Variants in GPR176 observed in about 807,000 individuals in gnomAD.
The protein encoded by GPR176 is G protein-coupled receptor 176.
In GPR176, 26 loss-of-function variants were observed where a neutral mutation model predicts 35.4. The observed-to-expected ratio is 0.74, with a 90% CI of 0.54 to 1.02. GPR176 has a LOEUF of 1.02. GPR176 is among the 50% of genes least tolerant of loss of function. The pLI is 0.00. For synonymous variants in GPR176, 278 were observed against 271.3 expected (o/e 1.02, Z -0.24); for missense variants, 597 against 665.3 (o/e 0.90, Z 1.13).
intron 1 of GPR176, among the ~76,000 whole-genome samples, chr15:39,821,179 C>T (rs1282799378): frequency 6.6e-6 from 1 of 152,116 alleles, no homozygotes; most frequent in Non-Finnish European, 1.5e-5. Flanking sequence ...AATTTTCCTG[C>T]TGGTTCAAAA....
At chr15:39,874,081 T>G (rs1282735470) in intron 1 of GPR176, among the ~76,000 whole-genome samples, 1 of 152,234 alleles carries the variant, frequency 6.6e-6, no homozygotes, top group East Asian at 1.9e-4. Context: ...AAGTCTCAAG[T>G]GACTTACGTA....
At chr15:39,892,553 A>G (rs1345009300) in intron 1 of GPR176, among the ~76,000 whole-genome samples, 1 of 152,234 alleles carries the variant, frequency 6.6e-6, no homozygotes, top group Admixed American at 6.5e-5. Context: ...TTTAGAAACA[A>G]TCTTTGCAGA....
intron 1 of GPR176, among the ~76,000 whole-genome samples, chr15:39,894,890 T>A (rs1595514263): frequency 1.3e-5 from 2 of 151,376 alleles, no homozygotes; most frequent in African/African-American, 2.4e-5. Flanking sequence ...GGCTGGGAGG[T>A]GGAGGTTGTA....
chr15:39,810,580 G>A (rs1031556279), intron 1 of GPR176, among the ~76,000 whole-genome samples: 2 of 152,204 alleles, frequency 1.3e-5, no homozygotes, highest in African/African-American at 4.8e-5. Context: ...TGGGAAAACA[G>A]ACACATTACC....
intron 1 of GPR176, among the ~76,000 whole-genome samples, chr15:39,862,921 T>C (rs551637366): frequency 1.2e-3 from 178 of 152,306 alleles, no homozygotes; most frequent in Non-Finnish European, 2.2e-3. Flanking sequence ...ACCATTATCT[T>C]GGAGATGACA....
At chr15:39,810,012 G>A (rs952426048) in intron 1 of GPR176, among the ~76,000 whole-genome samples, 3 of 152,082 alleles carry the variant, frequency 2.0e-5, no homozygotes, top group African/African-American at 7.2e-5. Flanking sequence ...CAGCGTGGTT[G>A]CGGGCGCCTA....
chr15:39,913,076 G>C (rs2033622003), intron 1 of GPR176, among the ~76,000 whole-genome samples: 1 of 151,984 alleles, frequency 6.6e-6, no homozygotes. Flanking sequence ...CAAACGAATG[G>C]ATAAACAAAA....
At chr15:39,852,209 G>T (rs2030922287) in intron 1 of GPR176, among the ~76,000 whole-genome samples, 1 of 152,072 alleles carries the variant, frequency 6.6e-6, no homozygotes, top group Non-Finnish European at 1.5e-5. Context: ...GTTGTTTGAG[G>T]GGTTTCCAAA....
intron 1 of GPR176, among the ~76,000 whole-genome samples, chr15:39,915,454 A>G (rs2033701486): frequency 6.6e-6 from 1 of 152,226 alleles, no homozygotes; most frequent in African/African-American, 2.4e-5. Flanking sequence ...TTAGGGCTTC[A>G]ACATATGAAT....
chr15:39,866,719 C>A (rs1252845607), intron 1 of GPR176, among the ~76,000 whole-genome samples: 12 of 152,128 alleles, frequency 7.9e-5, no homozygotes, highest in Admixed American at 7.9e-4. Flanking sequence ...AAGCATCACA[C>A]AAAACACCTG....
intron 1 of GPR176, among the ~76,000 whole-genome samples, chr15:39,872,070 A>T (rs2032062763): frequency 6.6e-6 from 1 of 152,220 alleles, no homozygotes; most frequent in Non-Finnish European, 1.5e-5. Flanking sequence ...CTCTATAGAG[A>T]ATACAAAGAT....
chr15:39,876,476 A>T (rs1566959551), intron 1 of GPR176, among the ~76,000 whole-genome samples: 1 of 152,008 alleles, frequency 6.6e-6, no homozygotes, highest in Non-Finnish European at 1.5e-5. Context: ...ATGAGCTGCA[A>T]TTCTCAAAGT....
chr15:39,860,132 A>T (rs275751), intron 1 of GPR176, among the ~76,000 whole-genome samples: 1 of 152,230 alleles, frequency 6.6e-6, no homozygotes, highest in Non-Finnish European at 1.5e-5. Context: ...TAATAAAAAA[A>T]GTCTATCCAT....
rs536562043 is a variant in GPR176, at chr15:39,900,558, A to G, written c.172+19297T>C. ...CTGCCCACGTACTCCCGTTGTCCAT[A>G]TTCTAACAAGAGATTTGCATGCTAA... On this transcript the variant is annotated intron_variant, in intron 1 of 2. Transcript: ENST00000561100. Among the ~76,000 whole-genome samples the G allele has an allele frequency of 6.6e-5, 10 of 152,348 alleles. No homozygotes were observed. The South Asian group carries it at 1.4e-3, about 22-fold the overall frequency.
In GPR176 at chr15:39,799,119, A is replaced by G. The variant is rs892031353; in HGVS notation, c.*2013T>C. 13 of 151,044 alleles carry G rather than the reference A, an allele frequency of 8.6e-5. No homozygotes were observed. Among genetic ancestry groups the G allele is most frequent in the African/African-American group, 3.0e-4 (12 of 40,678 alleles). The allele number at this position is 151,044 out of a possible 1,614,324, so 9.4% of individuals were successfully genotyped here. On this transcript the variant is annotated 3_prime_UTR_variant, in exon 3 of 3. Coordinates refer to ENST00000561100, the MANE Select transcript of GPR176 (RefSeq NM_007223.3). ...AGTCAGCCATCTGCTTCAAACATAT[A>G]TAAGAAACATACCCAACCAGATTCT... is the stretch of plus-strand genomic sequence containing the variant.
At chr15:39,823,572 C>T (rs1449355849) in intron 1 of GPR176, among the ~76,000 whole-genome samples, 1 of 152,192 alleles carries the variant, frequency 6.6e-6, no homozygotes, top group East Asian at 1.9e-4. Flanking sequence ...ACTGCTGCAG[C>T]TCCTCGCTGG....
At chr15:39,875,211 T>C (rs1354052443) in intron 1 of GPR176, among the ~76,000 whole-genome samples, 1 of 152,160 alleles carries the variant, frequency 6.6e-6, no homozygotes, top group Non-Finnish European at 1.5e-5. Flanking sequence ...TTTCTACCTG[T>C]CAAAATTAAT....
rs150023865 is a variant in GPR176 at position 39,916,934 on chromosome 15, T to C, written c.172+2921A>G. On this transcript the variant is annotated intron_variant, in intron 1 of 2. Transcript: ENST00000561100. ...TCAACAGACATTATCAGAATTCTAA[T>C]GTACACAGATGTGTTTGAATGGGAC... 6.0e-4 allele frequency among the ~76,000 whole-genome samples: 92 copies of C among 152,306 alleles called. No homozygotes were observed. The East Asian group carries it at 0.014, about 24-fold the overall frequency.
At chr15:39,888,661 A>G (rs1442893361) in intron 1 of GPR176, among the ~76,000 whole-genome samples, 2 of 152,198 alleles carry the variant, frequency 1.3e-5, no homozygotes, top group African/African-American at 4.8e-5. Flanking sequence ...AGGTAAAGAG[A>G]ACATTTTTTT....
Sources: allele counts gnomAD v4.1 joint callset (sites outside exome capture counted in the v4.1 genomes callset), GRCh38; gene constraint gnomAD v4.1.1; transcripts MANE v1.5; gene names NCBI Gene and HGNC (gene_info 2026-07-23, HGNC 2026-07-21).